TBC1D26: variants seen among roughly 807,000 people sequenced by gnomAD.
TBC1D26 encodes the protein TBC1 domain family, member 26.
TBC1D26 carries 19 observed loss-of-function variants against 42.5 expected under a neutral mutation model. The ratio of observed to expected loss-of-function variants is 0.45; its 90% CI spans 0.31 to 0.66. The LOEUF is 0.66. Ranked by LOEUF, TBC1D26 falls within the 30% of genes least tolerant of loss-of-function variation. The pLI is 0.06. For synonymous variants in TBC1D26, 97 were observed against 123.5 expected, an observed-to-expected ratio of 0.79 and a Z score of 1.42; for missense variants, 228 against 332.6, an observed-to-expected ratio of 0.69 and a Z score of 2.45.
At chr17:15,735,559 A>C in intron 3 of TBC1D26, 38 bp from the exon 4 acceptor site, 1 of 901,208 alleles carries the variant, frequency 1.1e-6, no homozygotes, top group Non-Finnish European at 1.7e-6. Flanking sequence ...CACACCTCTC[A>C]CCTTACCCCC....
intron 9 of TBC1D26, chr17:15,740,477 T>C: frequency 7.7e-7 from 1 of 1,293,004 alleles, no homozygotes; most frequent in Non-Finnish European, 9.8e-7. Flanking sequence ...GCCAGGCACT[T>C]GTCATGAAAT....
rs1437453261 is a variant in TBC1D26, at chr17:15,735,417, T to G, written c.69T>G (p.Tyr23Ter). The change falls in exon 3 of 15, where the codon TAT becomes TAG. Residue 23 changes from tyrosine to a stop codon, truncating the protein, a stop_gained. Coordinates refer to ENST00000437605, the MANE Select transcript of TBC1D26 (RefSeq NM_001388465.1). LOFTEE classifies it high-confidence loss of function. The stretch of plus-strand genomic sequence containing the variant: ...AAGGCAATATCATCATTACTAAGTA[T>G]GAGCAGGTACAAGTTGGGCCGCTCC... ...QGQGNIIITK[Y>*]EQGHRAGAAV... 6.2e-7 allele frequency: 1 copy of G among 1,613,032 alleles called. No homozygotes were observed. Among genetic ancestry groups the G allele is most frequent in the Non-Finnish European group, 8.5e-7 (1 of 1,179,676 alleles).
At chr17:15,736,896 G>C (rs1432230313) in intron 4 of TBC1D26, among the ~76,000 whole-genome samples, 2 of 152,286 alleles carry the variant, frequency 1.3e-5, no homozygotes, top group African/African-American at 2.4e-5. Flanking sequence ...GAGGGTCATA[G>C]TGTCTGGGCT....
chr17:15,736,299 T>TC (rs1313916707), intron 4 of TBC1D26, among the ~76,000 whole-genome samples: 1 of 152,230 alleles, frequency 6.6e-6, no homozygotes, highest in Non-Finnish European at 1.5e-5. Flanking sequence ...AGCCGGCCCC[T>TC]CAGGACTCAC....
chr17:15,735,480 C>T (rs985922984), intron 3 of TBC1D26, 57 bp downstream of exon 3: 1 of 1,548,706 alleles, frequency 6.5e-7, no homozygotes, highest in African/African-American at 1.4e-5. Context: ...CCGCTGTGCC[C>T]TGGTCACAGG....
rs534927323 is a variant in TBC1D26 at position 15,739,824 on chromosome 17, C to G, written c.498-276C>G. Reference sequence around the variant, plus strand: ...ACTGCACGTCCCAAAGACTGGACTTCTGTGTGTGCAAACTGAGAAAAAGGG... The same window carrying G: ...ACTGCACGTCCCAAAGACTGGACTTGTGTGTGTGCAAACTGAGAAAAAGGG... On this transcript the variant is annotated intron_variant, in intron 8 of 14. Coordinates refer to ENST00000437605, the MANE Select transcript of TBC1D26 (RefSeq NM_001388465.1). 5.3e-3 allele frequency among the ~76,000 whole-genome samples: 809 copies of G among 152,344 alleles called. 1 individual carries two copies. The highest frequency in any genetic ancestry group is 8.9e-3 in the South Asian group (43 of 4,830).
chr17:15,741,816 G>A (rs1364293017), intron 10 of TBC1D26, 126 bp from the exon 11 acceptor site: 17 of 833,654 alleles, frequency 2.0e-5, no homozygotes, highest in Admixed American at 1.5e-4. Flanking sequence ...TACATGCTGG[G>A]GTCACCACAT....
chr17:15,740,909 T>TC (rs1290364325), intron 9 of TBC1D26: 4 of 659,828 alleles, frequency 6.1e-6, no homozygotes, highest in South Asian at 2.0e-5. Flanking sequence ...GCTGCAGGAG[T>TC]CCCCCCATGC....
At chr17:15,740,888 C>T in intron 9 of TBC1D26, 1 of 645,832 alleles carries the variant, frequency 1.5e-6, no homozygotes, top group South Asian at 2.0e-5. Flanking sequence ...GCCATGTGAG[C>T]TTGGACACTT....
intron 11 of TBC1D26, 29 bp from the exon 12 acceptor site, chr17:15,742,385 G>T: frequency 2.6e-6 from 1 of 383,242 alleles, no homozygotes; most frequent in Non-Finnish European, 4.9e-6. Context: ...AGCCCAGGGG[G>T]CCCTGAGCAC....
chr17:15,737,607 G>GGCCTGTGT, intron 5 of TBC1D26, 84 bp downstream of exon 5: 2 of 1,542,132 alleles, frequency 1.3e-6, no homozygotes, highest in South Asian at 2.4e-5. Flanking sequence ...GTGGCCTGTG[G>GGCCTGTGT]GCCTGTGTGG....
chr17:15,733,769 T>C (rs1376169909), intron 1 of TBC1D26: 1 of 152,252 alleles, frequency 6.6e-6, no homozygotes. Context: ...CCCATTATGA[T>C]GGGTGCCATG....
chr17:15,734,448 G>T (rs1967557009), intron 1 of TBC1D26, among the ~76,000 whole-genome samples: 1 of 151,846 alleles, frequency 6.6e-6, no homozygotes, highest in African/African-American at 2.4e-5. Flanking sequence ...TAGGAGTGCG[G>T]TGGGGAGCCC....
intron 6 of TBC1D26, 69 bp downstream of exon 6, chr17:15,738,146 T>C: frequency 1.9e-6 from 3 of 1,613,078 alleles, no homozygotes; most frequent in Non-Finnish European, 2.5e-6. Flanking sequence ...CCCATGGTTG[T>C]GACCTGGCAC....
In TBC1D26 at chr17:15,738,824, G is replaced by A. The variant is rs771309009; in HGVS notation, c.491G>A (p.Gly164Glu). Residue 164 changes from glycine to glutamate, a missense_variant, in exon 8 of 15, where the codon GGA becomes GAA. Transcript: ENST00000437605. ...CACATGATGTTCATACAAAGATTCG[G>A]AGTCAAGTAAGGCCAATGGGGCTTG... ...QKHMMFIQRF[G>E]VKQQELCDIL... 3 of 1,613,382 alleles carry A rather than the reference G, an allele frequency of 1.9e-6. No homozygotes were observed. The highest frequency in any genetic ancestry group is 2.5e-6 in the Non-Finnish European group (3 of 1,179,844).
intron 8 of TBC1D26, among the ~76,000 whole-genome samples, 192 bp from the exon 9 acceptor site, chr17:15,739,908 T>C (rs1289711734): frequency 1.3e-5 from 2 of 152,256 alleles, no homozygotes; most frequent in African/African-American, 2.4e-5. Context: ...ACCTACGACA[T>C]TGCATTGCAA....
rs150227110 is a variant in TBC1D26, at chr17:15,734,913, T to A, written c.-142-17T>A. 1 of 200,196 alleles carries A rather than the reference T, an allele frequency of 5.0e-6. No homozygotes were observed. The highest frequency in any genetic ancestry group is 1.0e-4 in the South Asian group (1 of 9,972). 12.4% of individuals were successfully genotyped at this position (200,196 alleles called of 1,614,324 possible). A position where few individuals can be genotyped will look rare whatever the true frequency, so the allele number is the denominator to read the frequency against. On this transcript the variant is annotated splice_polypyrimidine_tract_variant and intron_variant, in intron 1 of 14. Transcript: ENST00000437605. ...GGGGTAGAACGGAGCAGTCACCAGATGTCTTGCTTCCTACAGAAAACTGAT... is the reference window on the plus strand; with the variant it reads ...GGGGTAGAACGGAGCAGTCACCAGAAGTCTTGCTTCCTACAGAAAACTGAT...
chr17:15,738,940 C>T, intron 8 of TBC1D26, 110 bp downstream of exon 8: 1 of 1,461,772 alleles, frequency 6.8e-7, no homozygotes, highest in Non-Finnish European at 9.4e-7. Flanking sequence ...GACAGAGCCA[C>T]CAAGGGCTCT....
At chr17:15,740,991 G>A (rs1967760571) in intron 9 of TBC1D26, 131 bp from the exon 10 acceptor site, 1 of 1,211,492 alleles carries the variant, frequency 8.3e-7, no homozygotes, top group Non-Finnish European at 1.2e-6. Context: ...TGCAGAGGCT[G>A]CACCTCAAAT....
Sources: allele counts gnomAD v4.1 joint callset (sites outside exome capture counted in the v4.1 genomes callset), GRCh38; gene constraint gnomAD v4.1.1; transcripts MANE v1.5; gene names NCBI Gene and HGNC (gene_info 2026-07-23, HGNC 2026-07-21).